The following FBLN1 variants were observed in gnomAD, a reference collection of about 807,000 sequenced individuals.
FBLN1 encodes fibulin-1.
In FBLN1, 34 loss-of-function variants were observed where a neutral mutation model predicts 89.7. That is an observed-to-expected ratio of 0.38 (90% CI 0.29 to 0.50). The LOEUF (loss-of-function observed/expected upper bound fraction) is 0.50, where lower values mean the gene tolerates loss of function less well. FBLN1 is among the 20% of genes least tolerant of loss of function. The pLI is 0.92. For missense variants in FBLN1, 777 were observed against 988.1 expected (o/e 0.79, Z 2.86); for synonymous variants, 393 against 391.3 (o/e 1.00, Z -0.05).
At position 45,576,495 on chromosome 22, in the gene FBLN1, T is replaced by C. The variant is rs1053358304; in HGVS notation, c.1841-482T>C. Among the ~76,000 whole-genome samples the C allele has an allele frequency of 6.6e-6, 1 of 151,862 alleles. No individual in the cohort carries two copies. Among genetic ancestry groups the C allele is most frequent in the African/African-American group, 2.4e-5 (1 of 41,302 alleles). On this transcript the variant is annotated intron_variant, in intron 15 of 16. Transcript: ENST00000327858. This position sits in a 1 kb window ranked among gnomAD's most constrained non-coding sequence, Gnocchi z 5.2. ...CAGCCCAGAGCTGGGGCTGCCCTGCTTCACTGTCTGATCTGGGAGATGGAC... is the reference window on the plus strand; with the variant it reads ...CAGCCCAGAGCTGGGGCTGCCCTGCCTCACTGTCTGATCTGGGAGATGGAC...
In FBLN1 at chr22:45,575,242, G is replaced by T. The variant is rs1456549128; in HGVS notation, c.1840+589G>T. ...AGCGCTGATTCTGTGACCAGCACTGGAGAATCAGGGAGGGCCTCCGGGAGG... is the reference window on the plus strand; with the variant it reads ...AGCGCTGATTCTGTGACCAGCACTGTAGAATCAGGGAGGGCCTCCGGGAGG... On this transcript the variant is annotated intron_variant, in intron 15 of 16. Coordinates refer to ENST00000327858, the MANE Select transcript of FBLN1 (RefSeq NM_006486.3). This position sits in a 1 kb window ranked among gnomAD's most constrained non-coding sequence, Gnocchi z 6.3. Among the ~76,000 whole-genome samples the T allele has an allele frequency of 6.6e-6, 1 of 152,160 alleles. No homozygotes were observed. The highest frequency in any genetic ancestry group is 2.4e-5 in the African/African-American group (1 of 41,434).
At chr22:45,560,754 T>A (rs1454701774) in intron 14 of FBLN1, among the ~76,000 whole-genome samples, 2 of 152,140 alleles carry the variant, frequency 1.3e-5, no homozygotes, top group African/African-American at 2.4e-5. Context: ...TCTTTTCGAG[T>A]GTAGCTCACT....
intron 16 of FBLN1, among the ~76,000 whole-genome samples, chr22:45,595,830 G>A (rs988230310): frequency 9.8e-5 from 15 of 152,414 alleles, no homozygotes; most frequent in Admixed American, 8.5e-4. Context: ...AGTTTGATTT[G>A]TTTCTGATTT....
chr22:45,591,913 C>G (rs2089140542), intron 16 of FBLN1, among the ~76,000 whole-genome samples: 1 of 131,826 alleles, frequency 7.6e-6, no homozygotes, highest in East Asian at 2.4e-4. Context: ...ATTTTGCAGA[C>G]AGGAGGGAGG....
In FBLN1 at chr22:45,583,045, C is replaced by T. The variant is rs73173337; in HGVS notation, c.1972+5937C>T. ...ACCCACCCTGTGCCCAGATCCCCTT[C>T]GCAAGCACCATATGCTGTTAGATCC... On this transcript the variant is annotated intron_variant, in intron 16 of 16. Coordinates refer to ENST00000327858, the MANE Select transcript of FBLN1 (RefSeq NM_006486.3). This position sits in a 1 kb window ranked among gnomAD's most constrained non-coding sequence, Gnocchi z 4.5. Among the ~76,000 whole-genome samples the T allele has an allele frequency of 0.022, 3,416 of 152,258 alleles. 50 individuals carry two copies. The highest frequency in any genetic ancestry group is 0.034 in the Non-Finnish European group (2,306 of 68,016).
At chr22:45,511,889 G>A (rs1223404848) in intron 1 of FBLN1, among the ~76,000 whole-genome samples, 2 of 152,172 alleles carry the variant, frequency 1.3e-5, no homozygotes, top group Non-Finnish European at 2.9e-5. Flanking sequence ...ACGAGATTTT[G>A]CAAGAGTTTG....
intron 14 of FBLN1, chr22:45,558,816 A>G (rs1014553406): frequency 1.3e-5 from 2 of 152,192 alleles, no homozygotes; most frequent in African/African-American, 4.8e-5. Flanking sequence ...GGACCCCTAG[A>G]AATTTTACTG....
At chr22:45,508,352 C>T (rs909445325) in intron 1 of FBLN1, among the ~76,000 whole-genome samples, 5 of 146,434 alleles carry the variant, frequency 3.4e-5, no homozygotes, top group Non-Finnish European at 7.4e-5. Flanking sequence ...ACCTCTGCCT[C>T]CCAGGTTCAA....
chr22:45,532,700 C>T lies in FBLN1; in HGVS notation c.545-363C>T, dbSNP rs2088424447. ...TCGAGAGTTCAGTGAGGAGCAGGTA[C>T]ATGAGGCCTAGTTGGGGCCTGGCCT... On this transcript the variant is annotated intron_variant, in intron 5 of 16. Coordinates refer to ENST00000327858, the MANE Select transcript of FBLN1 (RefSeq NM_006486.3). This position sits in a 1 kb window ranked among gnomAD's most constrained non-coding sequence, Gnocchi z 4.2. Among the ~76,000 whole-genome samples, 1 of 152,120 alleles carries T rather than the reference C, an allele frequency of 6.6e-6. No homozygotes were observed. The highest frequency in any genetic ancestry group is 2.4e-5 in the African/African-American group (1 of 41,428).
intron 16 of FBLN1, among the ~76,000 whole-genome samples, chr22:45,587,153 A>T (rs1163493653): frequency 6.6e-6 from 1 of 152,038 alleles, no homozygotes; most frequent in Non-Finnish European, 1.5e-5. Flanking sequence ...GTGCCTGGCC[A>T]CTGGTTCCTG....
At chr22:45,584,439 T>TGAGTGG (rs1293279621) in intron 16 of FBLN1, among the ~76,000 whole-genome samples, 1 of 152,222 alleles carries the variant, frequency 6.6e-6, no homozygotes, top group Non-Finnish European at 1.5e-5. Context: ...AGCAATGGCG[T>TGAGTGG]GAGTGGCCCC....
chr22:45,515,256 C>T (rs2088154482), intron 1 of FBLN1, among the ~76,000 whole-genome samples: 1 of 152,162 alleles, frequency 6.6e-6, no homozygotes, highest in African/African-American at 2.4e-5. Flanking sequence ...GGCCATGGTC[C>T]CTGCTTGGCT....
intron 1 of FBLN1, among the ~76,000 whole-genome samples, chr22:45,507,151 C>CGGGGCT (rs1373129057): frequency 6.6e-6 from 1 of 152,132 alleles, no homozygotes; most frequent in East Asian, 1.9e-4. Context: ...CAGCGAGGAG[C>CGGGGCT]GGGGCTGGGG....
intron 16 of FBLN1, among the ~76,000 whole-genome samples, chr22:45,589,346 T>C (rs1359052843): frequency 1.3e-5 from 2 of 152,056 alleles, no homozygotes; most frequent in Non-Finnish European, 2.9e-5. Context: ...TTCTACTCTT[T>C]GAGGCTTGAC....
At position 45,577,963 on chromosome 22, in the gene FBLN1, T is replaced by A. The variant is rs1601534249; in HGVS notation, c.1972+855T>A. On this transcript the variant is annotated intron_variant, in intron 16 of 16. Transcript: ENST00000327858. This position sits in a 1 kb window ranked among gnomAD's most constrained non-coding sequence, Gnocchi z 6.6. The stretch of plus-strand genomic sequence containing the variant: ...TTACAGTCATGGGAAATGAAAACGG[T>A]GGCATCTGCCATTTTGGACTCGGAT... The A allele has an allele frequency of 6.6e-6, 1 of 152,528 alleles. No homozygotes were observed. The highest frequency in any genetic ancestry group is 1.5e-5 in the Non-Finnish European group (1 of 68,312). The allele number at this position is 152,528 out of a possible 1,614,324, so 9.4% of individuals were successfully genotyped here. A position where few individuals can be genotyped will look rare whatever the true frequency, so the allele number is the denominator to read the frequency against.
chr22:45,538,222 A>G (rs1257515060), intron 8 of FBLN1, among the ~76,000 whole-genome samples: 1 of 152,188 alleles, frequency 6.6e-6, no homozygotes, highest in African/African-American at 2.4e-5. Flanking sequence ...TTAGCTTGGG[A>G]TGCTGGGATG....
At chr22:45,564,977 C>T (rs755344602) in intron 14 of FBLN1, 23 of 1,613,836 alleles carry the variant, frequency 1.4e-5, no homozygotes, top group Non-Finnish European at 1.6e-5. Flanking sequence ...TGGAGGATAC[C>T]CACCTTGATG....
Position 45,550,606 on chromosome 22 carries a change from C to T in FBLN1, c.1688C>T (p.Ser563Phe), listed in dbSNP as rs2088689429. Residue 563 changes from serine to phenylalanine, a missense_variant, in exon 14 of 17, where the codon TCC (serine) becomes TTC (phenylalanine). Coordinates refer to ENST00000327858, the MANE Select transcript of FBLN1 (RefSeq NM_006486.3). The surrounding 1 kb of genome is among the most constrained non-coding windows in gnomAD (Gnocchi z 8.4). ...AFECPENYRR[S>F]AATLQQEKTD... Reference sequence around the variant, plus strand: ...GAGTGCCCTGAGAACTACCGCCGCTCCGCAGCCACGTAAGTCCCTTGGACC... The same window carrying T: ...GAGTGCCCTGAGAACTACCGCCGCTTCGCAGCCACGTAAGTCCCTTGGACC... 1 of 1,614,110 alleles carries T rather than the reference C, an allele frequency of 6.2e-7. No individual in the cohort carries two copies. The highest frequency in any genetic ancestry group is 8.5e-7 in the Non-Finnish European group (1 of 1,180,038).
At position 45,542,127 on chromosome 22, in the gene FBLN1, C is replaced by T. The variant is rs1602191765; in HGVS notation, c.1067-28C>T. Reference sequence around the variant, plus strand: ...GGAAAAAACCCAAACTAAAGGTTTTCATCATGGCTTTCTTTCTCCTTTGCA... The same window carrying T: ...GGAAAAAACCCAAACTAAAGGTTTTTATCATGGCTTTCTTTCTCCTTTGCA... On this transcript the variant is annotated intron_variant, in intron 9 of 16. Transcript: ENST00000327858. 5.0e-6 allele frequency: 8 copies of T among 1,614,134 alleles called. 1 individual carries two copies. In the Admixed American group the frequency reaches 1.2e-4, roughly 24 times the overall value.
Sources: allele counts gnomAD v4.1 joint callset (sites outside exome capture counted in the v4.1 genomes callset), GRCh38; gene constraint gnomAD v4.1.1; non-coding constraint Gnocchi (gnomAD v3.1); transcripts MANE v1.5; gene names NCBI Gene and HGNC (gene_info 2026-07-23, HGNC 2026-07-21).